The following ZNF562 variants were observed in gnomAD, a reference collection of about 807,000 sequenced individuals.
ZNF562 encodes zinc finger protein 562.
In ZNF562, 13 loss-of-function variants were observed where a neutral mutation model predicts 17.5. The observed-to-expected ratio is 0.74, with a 90% CI of 0.48 to 1.18. The LOEUF (loss-of-function observed/expected upper bound fraction) is 1.18. Ranked by LOEUF, ZNF562 falls within the 50% of genes most tolerant of loss-of-function variation. The probability of loss-of-function intolerance (pLI) is 0.00; values close to 1 mark genes in which losing one functional copy is unlikely to be tolerated. For synonymous variants in ZNF562, 163 were observed against 165.4 expected (o/e 0.99, Z 0.11); for missense variants, 481 against 498.5 (o/e 0.96, Z 0.33).
At chr19:9,657,607 C>T (rs1382176661) in intron 4 of ZNF562, among the ~76,000 whole-genome samples, 2 of 149,768 alleles carry the variant, frequency 1.3e-5, no homozygotes, top group African/African-American at 4.9e-5. Flanking sequence ...AGTGCAGTGG[C>T]ACAATCTCGG....
intron 4 of ZNF562, 52 bp from the exon 5 acceptor site, chr19:9,656,705 G>C (rs1568265315): frequency 4.5e-6 from 7 of 1,560,754 alleles, no homozygotes; most frequent in Non-Finnish European, 6.2e-6. Flanking sequence ...ATTTGTCCTT[G>C]TTTTCAAATT....
At chr19:9,673,707 T>C (rs1282960091) in intron 1 of ZNF562, among the ~76,000 whole-genome samples, 1 of 152,138 alleles carries the variant, frequency 6.6e-6, no homozygotes, top group African/African-American at 2.4e-5. Context: ...CATATTTACA[T>C]ACAAAAACGG....
In ZNF562 at chr19:9,656,015, G is replaced by A. The variant is rs867615021; in HGVS notation, c.348+532C>T. On this transcript the variant is annotated intron_variant, in intron 5 of 5. Coordinates refer to ENST00000453372, the MANE Select transcript of ZNF562 (RefSeq NM_001130031.2). ...CCTAAAGTGTTGGGATTACAGGCAT[G>A]AGCCACCACATCCAGCCTCTTTTTA... is the stretch of plus-strand genomic sequence containing the variant. Among the ~76,000 whole-genome samples the A allele has an allele frequency of 2.0e-5, 3 of 152,002 alleles. No individual in the cohort carries two copies. The South Asian group carries it at 6.2e-4, about 32-fold the overall frequency.
Position 9,658,146 on chromosome 19 carries a change from A to G in ZNF562, c.115-11T>C. 6.2e-7 allele frequency: 1 copy of G among 1,610,890 alleles called. No homozygotes were observed. ...AAACGTCACTGAATCCTAAGTCATC[A>G]AACACATGCTGGTTTGAGCCAATGA... On this transcript the variant is annotated splice_polypyrimidine_tract_variant and intron_variant, in intron 3 of 5. Coordinates refer to ENST00000453372, the MANE Select transcript of ZNF562 (RefSeq NM_001130031.2).
intron 1 of ZNF562, among the ~76,000 whole-genome samples, chr19:9,669,734 G>GTACA (rs2044097826): frequency 9.1e-6 from 1 of 109,302 alleles, no homozygotes. Context: ...GCGCGCGCGC[G>GTACA]CACACACACA....
chr19:9,660,980 T>C, intron 1 of ZNF562, 106 bp from the exon 2 acceptor site: 1 of 407,856 alleles, frequency 2.5e-6, no homozygotes, highest in Non-Finnish European at 4.4e-6. Context: ...CCAAAAACTG[T>C]ATACTCAGTA....
rs1016963206 is a variant in ZNF562 at position 9,642,617 on chromosome 19, AAGAT to A, written c.*10328_*10331del. The A allele has an allele frequency of 8.6e-5, 13 of 152,014 alleles. No individual in the cohort carries two copies. The highest frequency in any genetic ancestry group is 2.7e-4 in the African/African-American group (11 of 41,366). 9.4% of individuals were successfully genotyped at this position (152,014 alleles called of 1,614,324 possible). A position where few individuals can be genotyped will look rare whatever the true frequency, so the allele number is the denominator to read the frequency against. ...TATTTAATTTTTTAAAAAATCAACA[AAGAT>A]AGAGGGAAAACCCAAAATGGAATAC... On this transcript the variant is annotated 3_prime_UTR_variant, in exon 6 of 6. Coordinates refer to ENST00000453372, the MANE Select transcript of ZNF562 (RefSeq NM_001130031.2).
chr19:9,670,849 T>A (rs2044168311), intron 1 of ZNF562, among the ~76,000 whole-genome samples: 1 of 151,946 alleles, frequency 6.6e-6, no homozygotes, highest in Non-Finnish European at 1.5e-5. Context: ...ACTACAAAAA[T>A]TAGCCGGGTG....
At position 9,650,509 on chromosome 19, in the gene ZNF562, A is replaced by AGACC. The variant is rs2074852645; in HGVS notation, c.*2436_*2439dup. ...AAAGAGAAGGGGGCGGGGAGGGGGG[A>AGACC]GACCGACCGACCTATTTGTTGGTCT... On this transcript the variant is annotated 3_prime_UTR_variant, in exon 6 of 6. Coordinates refer to ENST00000453372, the MANE Select transcript of ZNF562 (RefSeq NM_001130031.2). 6.6e-6 allele frequency: 1 copy of AGACC among 151,702 alleles called. No individual in the cohort carries two copies. The highest frequency in any genetic ancestry group is 2.1e-4 in the South Asian group (1 of 4,790). 9.4% of individuals were successfully genotyped at this position (151,702 alleles called of 1,614,324 possible).
At position 9,653,265 on chromosome 19, in the gene ZNF562, C is replaced by G; in HGVS notation, c.965G>C (p.Gly322Ala). The G allele has an allele frequency of 6.2e-7, 1 of 1,614,140 alleles. No individual in the cohort carries two copies. Residue 322 changes from glycine (G) to alanine (A), a missense_variant, in exon 6 of 6, where the codon GGG (glycine) becomes GCG (alanine). By Grantham distance (60) the Gly-to-Ala change is moderately conservative. This residue lies in a region of ZNF562 where 403 missense variants were observed against 386.4 expected (regional missense o/e 1.04). Transcript: ENST00000453372. ...GTGAGTTGATCTAGTGAAGGCTTTC[C>G]CACATTCCGTACATTTGTGTGGTTT... Reference protein sequence around the residue: ...GIKPHKCTECGKAFTRSTHLT... With the variant: ...GIKPHKCTECAKAFTRSTHLT...
chr19:9,665,078 T>C (rs1021579183), intron 1 of ZNF562, among the ~76,000 whole-genome samples: 1 of 151,988 alleles, frequency 6.6e-6, no homozygotes, highest in African/African-American at 2.4e-5. Context: ...AAACATTAGC[T>C]GGGCATGGTG....
intron 1 of ZNF562, 22 bp from the exon 2 acceptor site, chr19:9,660,896 C>T (rs2043710314): frequency 3.3e-6 from 2 of 610,086 alleles, no homozygotes; most frequent in Non-Finnish European, 5.5e-6. Context: ...AATCACCAAA[C>T]AACAAGCATC....
intron 3 of ZNF562, 68 bp from the exon 4 acceptor site, chr19:9,658,203 G>A: frequency 6.5e-7 from 1 of 1,543,506 alleles, no homozygotes; most frequent in Admixed American, 2.0e-5. Flanking sequence ...GGAGAATGAG[G>A]AAAGGGGAAC....
At chr19:9,666,793 C>T (rs1055412114) in intron 1 of ZNF562, among the ~76,000 whole-genome samples, 11 of 152,034 alleles carry the variant, frequency 7.2e-5, no homozygotes, top group African/African-American at 2.7e-4. Flanking sequence ...TAGACAAATT[C>T]TTGGGTGCAT....
chr19:9,657,196 A>G (rs527653650), intron 4 of ZNF562, among the ~76,000 whole-genome samples: 2 of 152,024 alleles, frequency 1.3e-5, no homozygotes, highest in African/African-American at 4.8e-5. Flanking sequence ...GGGAACAGGA[A>G]GAGAAAATTA....
intron 1 of ZNF562, among the ~76,000 whole-genome samples, chr19:9,669,723 C>CAT (rs2044088659): frequency 2.5e-5 from 2 of 79,836 alleles, no homozygotes; most frequent in Non-Finnish European, 5.1e-5. Context: ...CGCGAGCGCG[C>CAT]GCGCGCGCGC....
chr19:9,669,695 C>G (rs188629236), intron 1 of ZNF562, among the ~76,000 whole-genome samples: 2 of 147,090 alleles, frequency 1.4e-5, no homozygotes, highest in Admixed American at 6.8e-5. Context: ...ACTGGCAAGA[C>G]CTGTCTGCAT....
intron 1 of ZNF562, among the ~76,000 whole-genome samples, chr19:9,669,284 G>A (rs1599318970): frequency 6.6e-6 from 1 of 152,004 alleles, no homozygotes; most frequent in Admixed American, 6.6e-5. Flanking sequence ...AAAAAAATCA[G>A]CAAAAGGTCA....
At chr19:9,657,374 A>C (rs2043539914) in intron 4 of ZNF562, among the ~76,000 whole-genome samples, 1 of 149,490 alleles carries the variant, frequency 6.7e-6, no homozygotes, top group African/African-American at 2.5e-5. Flanking sequence ...AGCCTGGGTG[A>C]CAGAGTGAGA....
Sources: gnomAD v4.1 joint callset for allele counts (sites outside exome capture counted in the v4.1 genomes callset) on GRCh38, gnomAD v4.1.1 for gene constraint, gnomAD v4.1.1 regional missense constraint, MANE v1.5 for transcripts, NCBI Gene and HGNC (gene_info 2026-07-23, HGNC 2026-07-21) for gene names.